Variants in INPP4A observed in about 807,000 individuals in gnomAD.
INPP4A encodes the protein inositol polyphosphate-4-phosphatase, type I, 107kD.
Under a neutral mutation model 119.8 loss-of-function variants are expected in INPP4A, and 33 were observed. The ratio of observed to expected loss-of-function variants is 0.28; its 90% confidence interval spans 0.21 to 0.37. The LOEUF is 0.37. Among genes scored for constraint, INPP4A ranks in the 10% least tolerant of loss-of-function variants. The pLI, the probability that INPP4A is intolerant of heterozygous loss-of-function variation, is 1.00. For synonymous variants in INPP4A, 496 were observed against 500.7 expected, an observed-to-expected ratio of 0.99 and a Z score of 0.12; for missense variants, 956 against 1,289.9, an observed-to-expected ratio of 0.74 and a Z score of 3.97.
intron 1 of INPP4A, among the ~76,000 whole-genome samples, chr2:98,491,388 G>A (rs572148237): frequency 3.2e-4 from 49 of 152,326 alleles, no homozygotes; most frequent in African/African-American, 1.1e-3. Flanking sequence ...ACACCCCCAG[G>A]CCCTCACCAT....
intron 13 of INPP4A, among the ~76,000 whole-genome samples, chr2:98,548,191 T>G (rs545060945): frequency 1.3e-5 from 2 of 152,208 alleles, no homozygotes; most frequent in East Asian, 3.9e-4. Context: ...GCTGCCTGGG[T>G]GGGCCCAGAG....
At chr2:98,451,552 C>T (rs1054706435) in intron 1 of INPP4A, among the ~76,000 whole-genome samples, 4 of 152,106 alleles carry the variant, frequency 2.6e-5, no homozygotes, top group Non-Finnish European at 5.9e-5. Flanking sequence ...GTTGCTGCAG[C>T]GCCCCTCTTT....
intron 23 of INPP4A, among the ~76,000 whole-genome samples, chr2:98,573,312 C>T (rs1009625596): frequency 2.0e-5 from 3 of 152,188 alleles, no homozygotes; most frequent in African/African-American, 7.2e-5. Flanking sequence ...TCCATTGTGC[C>T]TCTGATCTCC....
At position 98,534,271 on chromosome 2, in the gene INPP4A, G is replaced by A. The variant is rs139498682; in HGVS notation, c.270+776G>A. ...CTGTGGATGATACAGAGCCCACCAG[G>A]GCACAGTCCCTGCCCTGAGGAATTG... On this transcript the variant is annotated intron_variant, in intron 5 of 24. Coordinates refer to ENST00000409851, the MANE Select transcript of INPP4A (RefSeq NM_001134225.2). 7.3e-4 allele frequency among the ~76,000 whole-genome samples: 111 copies of A among 152,300 alleles called. 1 individual carries two copies. The highest frequency in any genetic ancestry group is 2.5e-3 in the African/African-American group (104 of 41,564).
intron 23 of INPP4A, among the ~76,000 whole-genome samples, chr2:98,573,814 G>T (rs1304204285): frequency 6.6e-6 from 1 of 152,176 alleles, no homozygotes; most frequent in African/African-American, 2.4e-5. Context: ...TTCAAGCCGG[G>T]CTTCATGAAG....
At chr2:98,533,520 AG>A (rs770682463) in intron 5 of INPP4A, 25 bp downstream of exon 5, 107 of 1,392,648 alleles carry the variant, frequency 7.7e-5, no homozygotes, top group Non-Finnish European at 9.1e-5. Context: ...TCTCTCTCTG[AG>A]GGGCTGTGGG....
chr2:98,446,205 G>A (rs545277381), intron 1 of INPP4A, among the ~76,000 whole-genome samples: 2 of 152,236 alleles, frequency 1.3e-5, no homozygotes, highest in African/African-American at 2.4e-5. Flanking sequence ...TGCTGTTGGC[G>A]TTGGCCAGTG....
chr2:98,584,945 G>A (rs143901799), intron 24 of INPP4A, among the ~76,000 whole-genome samples: 68 of 152,330 alleles, frequency 4.5e-4, no homozygotes, highest in African/African-American at 1.5e-3. Flanking sequence ...CAAGAAAGGG[G>A]TCATTGACAT....
At chr2:98,518,775 A>G (rs1296324135) in intron 1 of INPP4A, among the ~76,000 whole-genome samples, 189 bp from the exon 2 acceptor site, 1 of 152,176 alleles carries the variant, frequency 6.6e-6, no homozygotes, top group Non-Finnish European at 1.5e-5. Flanking sequence ...GGAGAGGAAT[A>G]TGTGCTTTCT....
intron 1 of INPP4A, among the ~76,000 whole-genome samples, chr2:98,452,041 A>G (rs1486983215): frequency 6.6e-6 from 1 of 152,150 alleles, no homozygotes; most frequent in Non-Finnish European, 1.5e-5. Flanking sequence ...TGCCGGTTTC[A>G]TCCTAGGGGG....
At chr2:98,568,222 T>G (rs1438621493) in intron 21 of INPP4A, among the ~76,000 whole-genome samples, 7 of 152,138 alleles carry the variant, frequency 4.6e-5, no homozygotes. Context: ...CATACCTCAC[T>G]GCCGTCCCCC....
chr2:98,467,417 AACT>A, intron 1 of INPP4A, among the ~76,000 whole-genome samples: 1 of 152,148 alleles, frequency 6.6e-6, no homozygotes, highest in Non-Finnish European at 1.5e-5. Context: ...TCACACTGTT[AACT>A]TGGTCTCTAC....
chr2:98,564,586 C>T, intron 18 of INPP4A, 54 bp from the exon 19 acceptor site: 2 of 1,608,660 alleles, frequency 1.2e-6, no homozygotes, highest in Non-Finnish European at 1.7e-6. Context: ...GATCTGACTG[C>T]CATTTGGTGA....
intron 1 of INPP4A, among the ~76,000 whole-genome samples, chr2:98,505,689 CAG>C (rs1683910669): frequency 6.6e-6 from 1 of 152,204 alleles, no homozygotes; most frequent in South Asian, 2.1e-4. Flanking sequence ...GCCCTGCTCA[CAG>C]AGCCAGCCGT....
At position 98,564,552 on chromosome 2, in the gene INPP4A, A is replaced by G. The variant is rs1696080474; in HGVS notation, c.2029-88A>G. The stretch of plus-strand genomic sequence containing the variant: ...CCCTTTGAGCAGTGGCAGCAGAGGA[A>G]GGGGGCGGTGGGGGGCTGGGCATGA... On this transcript the variant is annotated intron_variant, in intron 18 of 24. Coordinates refer to ENST00000409851, the MANE Select transcript of INPP4A (RefSeq NM_001134225.2). 6 of 1,504,372 alleles carry G rather than the reference A, an allele frequency of 4.0e-6. 1 individual carries two copies. In the South Asian group the frequency reaches 5.9e-5, roughly 15 times the overall value. The allele number at this position is 1,504,372 out of a possible 1,614,324, so 93.2% of individuals were successfully genotyped here.
chr2:98,550,764 C>T (rs1693365169), intron 13 of INPP4A, among the ~76,000 whole-genome samples: 2 of 152,144 alleles, frequency 1.3e-5, no homozygotes, highest in South Asian at 2.1e-4. Flanking sequence ...GCATAAGTCC[C>T]AGGTATCATC....
intron 10 of INPP4A, among the ~76,000 whole-genome samples, chr2:98,542,206 T>TG (rs1691598040): frequency 1.3e-5 from 2 of 152,266 alleles, no homozygotes; most frequent in South Asian, 4.1e-4. Flanking sequence ...AGCAGCGGCC[T>TG]GGCAGACAGC....
chr2:98,460,592 A>T (rs942420497), intron 1 of INPP4A, among the ~76,000 whole-genome samples: 1 of 152,188 alleles, frequency 6.6e-6, no homozygotes, highest in Non-Finnish European at 1.5e-5. Context: ...CCTTTCTTGG[A>T]TCATAGTAAT....
intron 1 of INPP4A, among the ~76,000 whole-genome samples, chr2:98,462,601 C>T (rs1673816876): frequency 6.6e-6 from 1 of 151,520 alleles, no homozygotes; most frequent in South Asian, 2.1e-4. Context: ...TCATGGCTCA[C>T]TGCAGCCTCT....
Sources: gnomAD v4.1 joint callset for allele counts (sites outside exome capture counted in the v4.1 genomes callset) on GRCh38, gnomAD v4.1.1 for gene constraint, MANE v1.5 for transcripts, NCBI Gene and HGNC (gene_info 2026-07-23, HGNC 2026-07-21) for gene names.